The following SEL1L2 variants were observed in gnomAD, a reference collection of about 807,000 sequenced individuals.
The protein encoded by SEL1L2 is SEL1L2 adaptor subunit of SYVN1 ubiquitin ligase, also known as protein sel-1 homolog 2.
Under a neutral mutation model 98.8 loss-of-function variants are expected in SEL1L2, and 89 were observed. That is an observed-to-expected ratio of 0.90 (90% CI 0.76 to 1.07). The LOEUF (loss-of-function observed/expected upper bound fraction) is 1.07, where lower values mean the gene tolerates loss of function less well. Among genes scored for constraint, SEL1L2 ranks in the 50% least tolerant of loss-of-function variants. The pLI, the probability that SEL1L2 is intolerant of heterozygous loss-of-function variation, is 0.00. For synonymous variants in SEL1L2, 262 were observed against 278.5 expected (o/e 0.94, Z 0.59); for missense variants, 788 against 812.0 (o/e 0.97, Z 0.36).
At chr20:13,983,369 G>C (rs1304080897) in intron 1 of SEL1L2, among the ~76,000 whole-genome samples, 1 of 152,038 alleles carries the variant, frequency 6.6e-6, no homozygotes. Context: ...AGCTTGCAAG[G>C]TGTATCTGAA....
At chr20:13,927,102 T>C (rs1048122779) in intron 3 of SEL1L2, among the ~76,000 whole-genome samples, 2 of 152,232 alleles carry the variant, frequency 1.3e-5, no homozygotes, top group African/African-American at 2.4e-5. Flanking sequence ...TAAAATACCC[T>C]GAGGAAAAGT....
rs1156830345 is a variant in SEL1L2, at chr20:13,951,256, G to A, written c.114+4820C>T. Among the ~76,000 whole-genome samples the A allele has an allele frequency of 1.3e-4, 14 of 106,898 alleles. No homozygotes were observed. In the South Asian group the frequency reaches 2.4e-3, roughly 18 times the overall value. 70.1% of individuals were successfully genotyped at this position (106,898 alleles called of 152,430 possible). Reference sequence around the variant, plus strand: ...AGCGCCACTGCACTCCAGCCTGGGCGACAGAGCGAGACTCCGTCTCAAAAA... The same window carrying A: ...AGCGCCACTGCACTCCAGCCTGGGCAACAGAGCGAGACTCCGTCTCAAAAA... On this transcript the variant is annotated intron_variant, in intron 2 of 19. Transcript: ENST00000284951.
intron 4 of SEL1L2, 88 bp from the exon 5 acceptor site, chr20:13,914,032 A>G (rs2048307186): frequency 1.8e-6 from 2 of 1,142,708 alleles, no homozygotes; most frequent in South Asian, 3.2e-5. Context: ...CTTCTCTCTA[A>G]CAAGCAGGAA....
At chr20:13,894,579 C>CA (rs1274489742) in intron 5 of SEL1L2, among the ~76,000 whole-genome samples, 1 of 150,040 alleles carries the variant, frequency 6.7e-6, no homozygotes, top group East Asian at 1.9e-4. Context: ...AACAAACAAA[C>CA]AAAAAATTAA....
intron 12 of SEL1L2, among the ~76,000 whole-genome samples, chr20:13,874,356 T>C (rs535892786): frequency 4.6e-5 from 7 of 152,342 alleles, no homozygotes; most frequent in Admixed American, 3.9e-4. Flanking sequence ...TCAAGAAGTA[T>C]GTGGCCATCT....
chr20:13,876,044 G>A lies in SEL1L2; in HGVS notation c.1098C>T (p.Ala366=), dbSNP rs912537680. The A allele has an allele frequency of 7.4e-6, 12 of 1,612,842 alleles. No homozygotes were observed. Among genetic ancestry groups the A allele is most frequent in the Non-Finnish European group, 1.0e-5 (12 of 1,178,810 alleles). The change falls in exon 12 of 20, where the codon GCC becomes GCT. Residue 366 remains alanine (A), a synonymous_variant. Transcript: ENST00000284951. ...CAGTGCATTGAGGACATACCTTACT[G>A]GCTGCCATGGAAAAGTACTTGAAGG... ...ATAFKYFSMA[A]SKGNAIGLHG... is the part of the protein sequence containing the mutation.
In SEL1L2 at chr20:13,866,702, C is replaced by A; in HGVS notation, c.1404G>T (p.Glu468Asp). ...AAAAACAGCCGCATATTATATTTAC[C>A]TCCACAGCAGTTCTGCATGATCTTA... is the stretch of plus-strand genomic sequence containing the variant. ...GVVRSCRTAVELYKGVCELGH... is the reference protein window; with the variant it reads ...GVVRSCRTAVDLYKGVCELGH... Residue 468 changes from glutamate to aspartate, a missense_variant and splice_region_variant, in exon 15 of 20, where the codon GAG becomes GAT. By Grantham distance (45) the Glu-to-Asp change is conservative. Coordinates refer to ENST00000284951, the MANE Select transcript of SEL1L2 (RefSeq NM_025229.2). The A allele has an allele frequency of 6.4e-7, 1 of 1,568,458 alleles. No individual in the cohort carries two copies. The highest frequency in any genetic ancestry group is 8.6e-7 in the Non-Finnish European group (1 of 1,161,864).
chr20:13,852,994 G>GA (rs1033785903), intron 18 of SEL1L2, among the ~76,000 whole-genome samples: 1 of 151,812 alleles, frequency 6.6e-6, no homozygotes, highest in African/African-American at 2.4e-5. Context: ...GAACAAATAA[G>GA]AAAAAAAGCC....
intron 18 of SEL1L2, among the ~76,000 whole-genome samples, chr20:13,857,787 A>G (rs1235916610): frequency 6.6e-6 from 1 of 152,194 alleles, no homozygotes; most frequent in Admixed American, 6.5e-5. Flanking sequence ...CAGTTGCTCT[A>G]ATTCCCTTCT....
At chr20:13,863,968 C>CA (rs11476600) in intron 17 of SEL1L2, among the ~76,000 whole-genome samples, 4,818 of 87,726 alleles carry the variant, frequency 0.055, 87 homozygotes, top group Middle Eastern at 0.11. Context: ...GACTCCATCT[C>CA]AAAAAAAAAA....
At chr20:13,868,594 C>T (rs1039686156) in intron 14 of SEL1L2, among the ~76,000 whole-genome samples, 9 of 151,142 alleles carry the variant, frequency 6.0e-5, no homozygotes, top group Admixed American at 2.6e-4. Context: ...ATACATATTT[C>T]ATTCTTTCTT....
intron 1 of SEL1L2, among the ~76,000 whole-genome samples, chr20:13,968,495 G>A (rs934364215): frequency 3.9e-5 from 6 of 152,278 alleles, no homozygotes; most frequent in South Asian, 2.1e-4. Context: ...GAGAGTATGC[G>A]GTGGAACATA....
intron 10 of SEL1L2, among the ~76,000 whole-genome samples, chr20:13,882,432 G>T (rs1425172223): frequency 6.6e-6 from 1 of 152,182 alleles, no homozygotes; most frequent in Non-Finnish European, 1.5e-5. Context: ...GAAGTGACTT[G>T]TCAGTTCTGA....
intron 5 of SEL1L2, among the ~76,000 whole-genome samples, chr20:13,901,094 G>A (rs1210047244): frequency 8.0e-5 from 10 of 125,586 alleles, no homozygotes; most frequent in African/African-American, 2.8e-4. Flanking sequence ...TTTTTGAGAC[G>A]GAGTCTTGCT....
chr20:13,907,183 T>C (rs1269458338), intron 5 of SEL1L2, among the ~76,000 whole-genome samples: 1 of 152,098 alleles, frequency 6.6e-6, no homozygotes, highest in African/African-American at 2.4e-5. Flanking sequence ...ACCAAGGAAG[T>C]GTATACATCT....
At chr20:13,957,862 G>A (rs2050612571) in intron 1 of SEL1L2, among the ~76,000 whole-genome samples, 1 of 152,170 alleles carries the variant, frequency 6.6e-6, no homozygotes. Flanking sequence ...GGGTGACAGA[G>A]CGAGACCCTG....
chr20:13,913,971 T>C (rs747495311), intron 4 of SEL1L2, 27 bp from the exon 5 acceptor site: 2 of 1,537,168 alleles, frequency 1.3e-6, no homozygotes, highest in Admixed American at 2.5e-5. Flanking sequence ...AAGTCAAGTT[T>C]GATTTTCAAA....
chr20:13,866,597 A>T, intron 15 of SEL1L2, 105 bp downstream of exon 15: 1 of 926,668 alleles, frequency 1.1e-6, no homozygotes, highest in Middle Eastern at 2.4e-4. Flanking sequence ...GGAAGAAAAG[A>T]GGTAATATTT....
At chr20:13,869,474 A>C in intron 14 of SEL1L2, 29 bp downstream of exon 14, 1 of 1,527,902 alleles carries the variant, frequency 6.5e-7, no homozygotes, top group Non-Finnish European at 9.1e-7. Flanking sequence ...TGTCATTCTA[A>C]ATAAAGCAGC....
Sources: allele counts gnomAD v4.1 joint callset (sites outside exome capture counted in the v4.1 genomes callset), GRCh38; gene constraint gnomAD v4.1.1; transcripts MANE v1.5; gene names NCBI Gene and HGNC (gene_info 2026-07-23, HGNC 2026-07-21).